Variants in PRKG1 observed in about 807,000 individuals in gnomAD.
PRKG1 encodes the protein cGMP-dependent protein kinase 1.
Under a neutral mutation model 88.1 loss-of-function variants are expected in PRKG1, and 35 were observed. The ratio of observed to expected loss-of-function variants is 0.40; its 90% confidence interval spans 0.30 to 0.53. PRKG1 has a LOEUF of 0.53. PRKG1 is among the 20% of genes least tolerant of loss of function. The probability of loss-of-function intolerance (pLI) is 0.59; values close to 1 mark genes in which losing one functional copy is unlikely to be tolerated. For synonymous variants in PRKG1, 303 were observed against 292.5 expected (o/e 1.04, Z -0.37); for missense variants, 540 against 839.8 (o/e 0.64, Z 4.41).
At chr10:52,020,700 A>T (rs983476156) in intron 5 of PRKG1, among the ~76,000 whole-genome samples, 1 of 151,866 alleles carries the variant, frequency 6.6e-6, no homozygotes, top group Non-Finnish European at 1.5e-5. Flanking sequence ...AATGCTTGGG[A>T]GGTGAGCACA....
intron 9 of PRKG1, among the ~76,000 whole-genome samples, chr10:52,193,572 A>AC (rs1292723540): frequency 6.3e-5 from 9 of 142,200 alleles, no homozygotes; most frequent in African/African-American, 2.3e-4. Flanking sequence ...ACAAAAAAAA[A>AC]AAACAAAAAA....
intron 4 of PRKG1, among the ~76,000 whole-genome samples, chr10:51,809,628 A>T (rs912371060): frequency 6.6e-6 from 1 of 152,128 alleles, no homozygotes; most frequent in Non-Finnish European, 1.5e-5. Flanking sequence ...ATAGTGGTGG[A>T]CCCTGATTTA....
intron 3 of PRKG1, among the ~76,000 whole-genome samples, chr10:51,787,149 C>G (rs942672754): frequency 6.6e-6 from 1 of 152,094 alleles, no homozygotes; most frequent in African/African-American, 2.4e-5. Context: ...CCCTCTAAGC[C>G]TTTTGTCTAC....
chr10:51,444,030 A>T (rs1839198807), intron 2 of PRKG1, among the ~76,000 whole-genome samples: 1 of 151,792 alleles, frequency 6.6e-6, no homozygotes, highest in Non-Finnish European at 1.5e-5. Context: ...GGTGAACACA[A>T]AGTGTCTTTA....
At chr10:51,021,360 A>G (rs926495147) in intron 1 of PRKG1, among the ~76,000 whole-genome samples, 6 of 152,174 alleles carry the variant, frequency 3.9e-5, no homozygotes, top group African/African-American at 1.4e-4. Context: ...AATTTTACCA[A>G]AGAATAGCCC....
At chr10:51,890,458 G>T (rs1841691460) in intron 4 of PRKG1, among the ~76,000 whole-genome samples, 1 of 152,158 alleles carries the variant, frequency 6.6e-6, no homozygotes, top group South Asian at 2.1e-4. Flanking sequence ...TATTCATTCA[G>T]TTAGCCATGT....
chr10:52,168,618 G>A (rs1265652905), intron 9 of PRKG1, among the ~76,000 whole-genome samples: 1 of 151,920 alleles, frequency 6.6e-6, no homozygotes, highest in Non-Finnish European at 1.5e-5. Context: ...TGATTGAAGG[G>A]GTGTACATTG....
chr10:51,508,037 G>T (rs1841278450), intron 3 of PRKG1, among the ~76,000 whole-genome samples: 1 of 152,104 alleles, frequency 6.6e-6, no homozygotes, highest in Non-Finnish European at 1.5e-5. Flanking sequence ...GGGCTGTGGA[G>T]TCTGATAGTC....
chr10:51,132,317 C>T (rs4245018), intron 1 of PRKG1, among the ~76,000 whole-genome samples: 121,058 of 152,080 alleles, frequency 0.8, 48,741 homozygotes, highest in South Asian at 0.88. Context: ...CTCAGAGTCA[C>T]AGGCAGAAAA....
At chr10:51,038,516 C>A (rs1167199759) in intron 1 of PRKG1, among the ~76,000 whole-genome samples, 1 of 152,178 alleles carries the variant, frequency 6.6e-6, no homozygotes, top group Non-Finnish European at 1.5e-5. Context: ...CATCCTTCTA[C>A]CCTCTATCTC....
chr10:51,083,612 A>G (rs530527321), intron 1 of PRKG1, among the ~76,000 whole-genome samples: 3 of 152,184 alleles, frequency 2.0e-5, no homozygotes, highest in African/African-American at 7.2e-5. Flanking sequence ...GAGAAAGCAG[A>G]ACTAGCACAT....
intron 4 of PRKG1, among the ~76,000 whole-genome samples, chr10:51,842,523 A>G (rs889986808): frequency 6.6e-6 from 1 of 152,186 alleles, no homozygotes; most frequent in African/African-American, 2.4e-5. Context: ...CTTGGTCAGT[A>G]TCAGCAAACA....
intron 1 of PRKG1, among the ~76,000 whole-genome samples, chr10:51,022,298 T>C (rs1412419624): frequency 1.3e-5 from 2 of 152,166 alleles, no homozygotes; most frequent in Admixed American, 6.5e-5. Flanking sequence ...GCCACTCTTA[T>C]AGCATAGGAG....
chr10:51,460,311 G>C (rs888482665), intron 2 of PRKG1, among the ~76,000 whole-genome samples: 3 of 152,096 alleles, frequency 2.0e-5, no homozygotes, highest in Non-Finnish European at 4.4e-5. Context: ...GATAGTGATT[G>C]TAGTACTCTT....
At chr10:51,001,654 G>A (rs1036300614) in intron 1 of PRKG1, among the ~76,000 whole-genome samples, 1 of 152,156 alleles carries the variant, frequency 6.6e-6, no homozygotes, top group Non-Finnish European at 1.5e-5. Context: ...CATTGTTCAG[G>A]TCATCTCCCC....
intron 1 of PRKG1, among the ~76,000 whole-genome samples, chr10:51,137,284 G>A (rs183929021): frequency 6.6e-6 from 1 of 152,212 alleles, no homozygotes; most frequent in Admixed American, 6.5e-5. Flanking sequence ...AAACGTTTAG[G>A]TTTAACAAGA....
In PRKG1 at chr10:51,569,395, G is replaced by A. The variant is rs143795808; in HGVS notation, c.592+101559G>A. On this transcript the variant is annotated intron_variant, in intron 3 of 17. Coordinates refer to ENST00000373980, the MANE Select transcript of PRKG1 (RefSeq NM_006258.4). ...ATAGGAGAAAGGATGCTGAACTTTG[G>A]AGTATTTGTCTTCATTAAATACATG... Among the ~76,000 whole-genome samples, 166 of 152,086 alleles carry A rather than the reference G, an allele frequency of 1.1e-3. 1 individual carries two copies. In the Middle Eastern group the frequency reaches 0.017, roughly 16 times the overall value.
intron 4 of PRKG1, among the ~76,000 whole-genome samples, chr10:51,856,869 C>A (rs10999787): frequency 0.2 from 30,094 of 150,286 alleles, 3,504 homozygotes; most frequent in South Asian, 0.29. Flanking sequence ...GAGGCTGAGG[C>A]AGGAGAATGG....
intron 1 of PRKG1, among the ~76,000 whole-genome samples, chr10:51,115,029 G>C (rs1053457554): frequency 6.6e-6 from 1 of 151,976 alleles, no homozygotes; most frequent in Non-Finnish European, 1.5e-5. Context: ...AAGATTTAAA[G>C]AAAGAGGCCA....
Sources: allele counts gnomAD v4.1 joint callset (sites outside exome capture counted in the v4.1 genomes callset), GRCh38; gene constraint gnomAD v4.1.1; transcripts MANE v1.5; gene names NCBI Gene and HGNC (gene_info 2026-07-23, HGNC 2026-07-21).